NEGR1: variants seen among roughly 807,000 people sequenced by gnomAD.
The protein encoded by NEGR1 is IgLON family member 4.
A neutral mutation model predicts 40.9 loss-of-function variants in NEGR1; 10 were observed. That is an observed-to-expected ratio of 0.24 (90% CI 0.15 to 0.42). NEGR1 has a LOEUF of 0.42. Ranked by LOEUF, NEGR1 falls within the 10% of genes least tolerant of loss-of-function variation. NEGR1 has a pLI of 1.00. For synonymous variants in NEGR1, 185 were observed against 166.8 expected, an observed-to-expected ratio of 1.11 and a Z score of -0.84; for missense variants, 352 against 438.9, an observed-to-expected ratio of 0.80 and a Z score of 1.77.
At chr1:71,758,034 T>C (rs1655802167) in intron 3 of NEGR1, among the ~76,000 whole-genome samples, 1 of 152,052 alleles carries the variant, frequency 6.6e-6, no homozygotes, top group Non-Finnish European at 1.5e-5. Context: ...ATTGCTGCTA[T>C]TATTATCATC....
chr1:72,117,621 A>G (rs536870459), intron 1 of NEGR1, among the ~76,000 whole-genome samples: 33 of 151,884 alleles, frequency 2.2e-4, no homozygotes, highest in Middle Eastern at 6.8e-3. Context: ...CCACTTACAC[A>G]CACTATGGCC....
intron 4 of NEGR1, among the ~76,000 whole-genome samples, chr1:71,624,278 T>C (rs993104314): frequency 1.3e-5 from 2 of 151,954 alleles, no homozygotes; most frequent in African/African-American, 4.8e-5. Flanking sequence ...ACTCCTATAG[T>C]TATCATATTG....
At position 71,565,651 on chromosome 1, in the gene NEGR1, A is replaced by G. The variant is rs145845741; in HGVS notation, c.940+27166T>C. 5.7e-3 allele frequency among the ~76,000 whole-genome samples: 869 copies of G among 152,246 alleles called. 5 individuals carry two copies. Among genetic ancestry groups the G allele is most frequent in the Middle Eastern group, 0.014 (4 of 294 alleles). On this transcript the variant is annotated intron_variant, in intron 6 of 6. Coordinates refer to ENST00000357731, the MANE Select transcript of NEGR1 (RefSeq NM_173808.3). ...CCAGGTACAGTGCAGAGACAGAAAAATGAAACAGCACACAGCTGAAGGAAG... is the reference window on the plus strand; with the variant it reads ...CCAGGTACAGTGCAGAGACAGAAAAGTGAAACAGCACACAGCTGAAGGAAG...
chr1:71,737,261 A>G (rs1440708749), intron 3 of NEGR1, among the ~76,000 whole-genome samples: 1 of 152,174 alleles, frequency 6.6e-6, no homozygotes, highest in African/African-American at 2.4e-5. Context: ...TAGTTTTTCA[A>G]TAGTTCTAGA....
intron 1 of NEGR1, among the ~76,000 whole-genome samples, chr1:72,142,552 T>TAGAC (rs1056498718): frequency 3.3e-5 from 5 of 151,598 alleles, no homozygotes; most frequent in African/African-American, 9.7e-5. Flanking sequence ...GATAGATAGA[T>TAGAC]AGATAGATAG....
chr1:71,797,122 G>A (rs534658360), intron 2 of NEGR1, among the ~76,000 whole-genome samples: 2 of 152,214 alleles, frequency 1.3e-5, no homozygotes, highest in South Asian at 4.2e-4. Flanking sequence ...AATATTTCTC[G>A]AATACTTAAT....
rs1276550520 is a variant in NEGR1, at chr1:71,606,599, T to C, written c.788+4427A>G. Among the ~76,000 whole-genome samples the C allele has an allele frequency of 2.6e-5, 4 of 152,178 alleles. No homozygotes were observed. In the East Asian group the frequency reaches 5.8e-4, roughly 22 times the overall value. On this transcript the variant is annotated intron_variant, in intron 5 of 6. Transcript: ENST00000357731. Reference sequence around the variant, plus strand: ...CCGAGAGGTTATCACATCTAAAATGTCTTGATGGTGACATAAAGCTGAGTG... The same window carrying C: ...CCGAGAGGTTATCACATCTAAAATGCCTTGATGGTGACATAAAGCTGAGTG...
intron 4 of NEGR1, among the ~76,000 whole-genome samples, chr1:71,617,261 A>G (rs1353962220): frequency 6.6e-6 from 1 of 152,216 alleles, no homozygotes; most frequent in Non-Finnish European, 1.5e-5. Flanking sequence ...GCTGTTCAAA[A>G]GGTGGCACGT....
At chr1:71,597,946 T>G (rs1649779523) in intron 5 of NEGR1, among the ~76,000 whole-genome samples, 1 of 152,040 alleles carries the variant, frequency 6.6e-6, no homozygotes, top group Admixed American at 6.5e-5. Flanking sequence ...TTGTACACAA[T>G]AATGTTTCGT....
chr1:71,825,685 A>G (rs1658594639), intron 2 of NEGR1, among the ~76,000 whole-genome samples: 1 of 151,886 alleles, frequency 6.6e-6, no homozygotes, highest in South Asian at 2.1e-4. Context: ...GAGAGGAATT[A>G]CAATACTTAC....
chr1:72,062,353 T>G (rs1247313581), intron 1 of NEGR1, among the ~76,000 whole-genome samples: 1 of 151,906 alleles, frequency 6.6e-6, no homozygotes, highest in Non-Finnish European at 1.5e-5. Context: ...TGCCATAATA[T>G]TTACTATGTA....
At chr1:71,562,013 T>G (rs1463414489) in intron 6 of NEGR1, among the ~76,000 whole-genome samples, 2 of 151,162 alleles carry the variant, frequency 1.3e-5, no homozygotes, top group South Asian at 2.1e-4. Flanking sequence ...TTTTTGAATC[T>G]GTTCCACTGG....
intron 2 of NEGR1, among the ~76,000 whole-genome samples, chr1:71,934,378 T>C (rs1328817410): frequency 2.0e-5 from 3 of 152,140 alleles, no homozygotes; most frequent in Non-Finnish European, 4.4e-5. Context: ...GAAAGTTAGC[T>C]AGCATAATTC....
At chr1:71,535,891 C>T (rs905152865) in intron 6 of NEGR1, among the ~76,000 whole-genome samples, 3 of 151,586 alleles carry the variant, frequency 2.0e-5, no homozygotes, top group African/African-American at 7.3e-5. Flanking sequence ...CCCCTAGTGT[C>T]GTCATTTATC....
rs1387235986 is a variant in NEGR1, at chr1:71,857,448, CA to C, written c.409+77630del. Reference sequence around the variant, plus strand: ...GCAATATAGTCAAATCCTATCTCTACAAAAAATACAAAAAAAAAAAAAAAAA... The same window carrying C: ...GCAATATAGTCAAATCCTATCTCTACAAAAATACAAAAAAAAAAAAAAAAA... On this transcript the variant is annotated intron_variant, in intron 2 of 6. Transcript: ENST00000357731. Among the ~76,000 whole-genome samples the C allele has an allele frequency of 1.3e-3, 48 of 36,948 alleles. No homozygotes were observed. In the East Asian group the frequency reaches 0.03, roughly 23 times the overall value. The allele number at this position is 36,948 out of a possible 152,430, so 24.2% of individuals were successfully genotyped here.
chr1:72,231,862 G>A (rs1177412639), intron 1 of NEGR1, among the ~76,000 whole-genome samples: 2 of 152,030 alleles, frequency 1.3e-5, no homozygotes, highest in African/African-American at 2.4e-5. Flanking sequence ...GTAAGATTTT[G>A]GTTTTGCTTT....
rs146900573 is a variant in NEGR1, at chr1:72,209,489, C to A, written c.176+72830G>T. On this transcript the variant is annotated intron_variant, in intron 1 of 6. Coordinates refer to ENST00000357731, the MANE Select transcript of NEGR1 (RefSeq NM_173808.3). ...AATTATGTCCCATATCATGGAAATA[C>A]CTTAAACAAGAAAAAAAATTCTAGA... is the stretch of plus-strand genomic sequence containing the variant. Among the ~76,000 whole-genome samples the A allele has an allele frequency of 1.1e-3, 162 of 151,702 alleles. 1 individual carries two copies. Among genetic ancestry groups the A allele is most frequent in the African/African-American group, 3.6e-3 (150 of 41,488 alleles).
chr1:71,636,867 A>T (rs1285553333), intron 4 of NEGR1, among the ~76,000 whole-genome samples: 1 of 152,050 alleles, frequency 6.6e-6, no homozygotes, highest in East Asian at 1.9e-4. Flanking sequence ...CTTTTGCCAC[A>T]TACCCAAGGT....
At chr1:71,919,148 C>T (rs990451519) in intron 2 of NEGR1, among the ~76,000 whole-genome samples, 11 of 152,180 alleles carry the variant, frequency 7.2e-5, no homozygotes, top group African/African-American at 2.7e-4. Flanking sequence ...CAAAGGTGGA[C>T]TAACACAATA....
Sources: gnomAD v4.1 joint callset for allele counts (sites outside exome capture counted in the v4.1 genomes callset) on GRCh38, gnomAD v4.1.1 for gene constraint, MANE v1.5 for transcripts, NCBI Gene and HGNC (gene_info 2026-07-23, HGNC 2026-07-21) for gene names.